Variants in PIK3CD observed in about 807,000 individuals in gnomAD.
The protein encoded by PIK3CD is phosphatidylinositol-4,5-bisphosphate 3-kinase catalytic subunit delta.
A neutral mutation model predicts 122.9 loss-of-function variants in PIK3CD; 20 were observed. The observed-to-expected ratio is 0.16, with a 90% CI of 0.11 to 0.24. The LOEUF is 0.24. Ranked by LOEUF, PIK3CD falls within the 10% of genes least tolerant of loss-of-function variation. PIK3CD has a pLI of 1.00. For missense variants in PIK3CD, 787 were observed against 1,406.3 expected (o/e 0.56, Z 7.04); for synonymous variants, 596 against 593.4 (o/e 1.00, Z -0.06).
rs1373757791 is a variant in PIK3CD at position 9,715,993 on chromosome 1, A to G, written c.515A>G (p.Glu172Gly). Residue 172 changes from glutamate (E) to glycine (G), a missense_variant, in exon 5 of 24, where the codon GAG (glutamate) becomes GGG (glycine). Transcript: ENST00000377346. The surrounding 1 kb of genome is among the most constrained non-coding windows in gnomAD (Gnocchi z 4.1). ...CAGTACAGTTTCCCCCTGCAGCTGG[A>G]GCCCTCGGCTCAAACCTGGGGGCCT... ...WLQYSFPLQL[E>G]PSAQTWGPGT... The G allele has an allele frequency of 3.1e-6, 5 of 1,612,422 alleles. No homozygotes were observed. The highest frequency in any genetic ancestry group is 1.7e-5 in the Admixed American group (1 of 59,974).
chr1:9,663,585 T>A (rs956596853), intron 1 of PIK3CD, among the ~76,000 whole-genome samples: 8 of 141,088 alleles, frequency 5.7e-5, no homozygotes, highest in African/African-American at 1.4e-4. Context: ...TTTATTTTTT[T>A]AATATTTTTT....
Position 9,678,502 on chromosome 1 carries a change from C to T in PIK3CD, c.-137-12965C>T, listed in dbSNP as rs780887677. ...CCATCTTCCACCTACCCCAGAACCA[C>T]GTCACCCAGTGGTTCCTAACCTGTC... On this transcript the variant is annotated intron_variant, in intron 1 of 23. Transcript: ENST00000377346. 3.0e-4 allele frequency among the ~76,000 whole-genome samples: 46 copies of T among 152,106 alleles called. 1 individual carries two copies. Among genetic ancestry groups the T allele is most frequent in the Non-Finnish European group, 5.4e-4 (37 of 68,012 alleles).
intron 1 of PIK3CD, among the ~76,000 whole-genome samples, chr1:9,658,383 C>G: frequency 9.4e-6 from 1 of 106,664 alleles, no homozygotes; most frequent in South Asian, 4.0e-4. Flanking sequence ...GAGACCCTGT[C>G]TCAAAAAAAA....
intron 1 of PIK3CD, among the ~76,000 whole-genome samples, chr1:9,674,848 A>G (rs1455702880): frequency 6.6e-6 from 1 of 151,626 alleles, no homozygotes; most frequent in African/African-American, 2.4e-5. Flanking sequence ...CCTGGGCAAC[A>G]TGGCAAAACC....
chr1:9,721,940 A>G (rs1182099163), intron 16 of PIK3CD, 35 bp from the exon 17 acceptor site: 1 of 1,612,880 alleles, frequency 6.2e-7, no homozygotes, highest in African/African-American at 1.3e-5. Context: ...CGAGGCTGGG[A>G]CCTGCCCACC....
chr1:9,638,300 C>T, the PIK3CD span, among the ~76,000 whole-genome samples: 1 of 152,020 alleles, frequency 6.6e-6, no homozygotes, highest in Admixed American at 6.6e-5. Flanking sequence ...ACCTGTTCTG[C>T]TGAGGGCAGT....
At chr1:9,707,531 A>C (rs1164707502) in intron 2 of PIK3CD, among the ~76,000 whole-genome samples, 2 of 151,720 alleles carry the variant, frequency 1.3e-5, no homozygotes, top group Non-Finnish European at 2.9e-5. Context: ...CTCCACCCTC[A>C]GGCCCCCGTG....
the PIK3CD span, among the ~76,000 whole-genome samples, chr1:9,635,458 G>A: frequency 2.6e-5 from 4 of 152,028 alleles, no homozygotes; most frequent in African/African-American, 4.8e-5. Flanking sequence ...CCTGCAGCTC[G>A]CTGGCTCCAT....
At chr1:9,693,525 G>T (rs192380569) in intron 2 of PIK3CD, among the ~76,000 whole-genome samples, 1 of 151,960 alleles carries the variant, frequency 6.6e-6, no homozygotes, top group Admixed American at 6.6e-5. Flanking sequence ...CAGCCTCCAC[G>T]CCCTGACCTG....
chr1:9,721,905 C>A (rs774676556), intron 16 of PIK3CD, 45 bp downstream of exon 16: 1 of 1,611,426 alleles, frequency 6.2e-7, no homozygotes, highest in Non-Finnish European at 8.5e-7. Flanking sequence ...CGGCCCTGAG[C>A]GTCTGGGAAT....
At chr1:9,690,059 G>A (rs1415295538) in intron 1 of PIK3CD, among the ~76,000 whole-genome samples, 1 of 152,160 alleles carries the variant, frequency 6.6e-6, no homozygotes, top group Non-Finnish European at 1.5e-5. Flanking sequence ...ACGAGGACGC[G>A]CCTGTTCGGG....
rs145282914 is a variant in PIK3CD, at chr1:9,714,749, A to C, written c.142-792A>C. ...CCGTCTTCTTTGTGACTCAGTGGTG[A>C]ACACCTTTCAACTGCTTGTTGCTGT... is the stretch of plus-strand genomic sequence containing the variant. On this transcript the variant is annotated intron_variant, in intron 3 of 23. Transcript: ENST00000377346. Among the ~76,000 whole-genome samples, 21 of 152,232 alleles carry C rather than the reference A, an allele frequency of 1.4e-4. No homozygotes were observed. In the East Asian group the frequency reaches 4.1e-3, roughly 29 times the overall value.
At chr1:9,634,442 G>A in the PIK3CD span, among the ~76,000 whole-genome samples, 6 of 151,388 alleles carry the variant, frequency 4.0e-5, no homozygotes, top group Admixed American at 6.6e-5. Flanking sequence ...GATTACAGGC[G>A]TGAGCTTCCA....
chr1:9,701,668 CAAAAAAAA>C (rs1163030937), intron 2 of PIK3CD, among the ~76,000 whole-genome samples: 4 of 78,990 alleles, frequency 5.1e-5, no homozygotes, highest in Non-Finnish European at 7.9e-5. Flanking sequence ...GACTCTGTCT[CAAAAAAAA>C]AAAAAAAAAA....
At position 9,720,840 on chromosome 1, in the gene PIK3CD, G is replaced by A. The variant is rs1648511297; in HGVS notation, c.1620G>A (p.Glu540=). ...LVWKLRHEVQ[E]HFPEALARLL... Reference sequence around the variant, plus strand: ...GGAAGCTGCGGCATGAAGTCCAGGAGCACTTCCCGGAGGCGCTAGCCCGGC... The same window carrying A: ...GGAAGCTGCGGCATGAAGTCCAGGAACACTTCCCGGAGGCGCTAGCCCGGC... Residue 540 remains glutamate, a synonymous_variant, in exon 13 of 24, where the codon GAG becomes GAA. Coordinates refer to ENST00000377346, the MANE Select transcript of PIK3CD (RefSeq NM_005026.5). This position sits in a 1 kb window ranked among gnomAD's most constrained non-coding sequence, Gnocchi z 9.0. The A allele has an allele frequency of 6.2e-7, 1 of 1,612,538 alleles. No homozygotes were observed. The highest frequency in any genetic ancestry group is 8.5e-7 in the Non-Finnish European group (1 of 1,179,528).
chr1:9,640,918 G>A, the PIK3CD span, among the ~76,000 whole-genome samples: 2 of 152,182 alleles, frequency 1.3e-5, no homozygotes, highest in East Asian at 3.9e-4. Context: ...CCCAAAGCCT[G>A]CGATGCTCTG....
intron 1 of PIK3CD, among the ~76,000 whole-genome samples, chr1:9,660,378 A>G (rs1198290670): frequency 6.6e-6 from 1 of 152,040 alleles, no homozygotes. Flanking sequence ...TCATATGGTA[A>G]TCCAATTTTT....
chr1:9,727,228 A>G lies in PIK3CD; in HGVS notation c.*182A>G, dbSNP rs1305663414. The G allele has an allele frequency of 2.5e-5, 18 of 730,868 alleles. No homozygotes were observed. The highest frequency in any genetic ancestry group is 3.9e-5 in the Non-Finnish European group (17 of 439,026). 45.3% of individuals were successfully genotyped at this position (730,868 alleles called of 1,614,324 possible). On this transcript the variant is annotated 3_prime_UTR_variant, in exon 24 of 24. Transcript: ENST00000377346. ...AAATAGTTTAAGGAGCTAAACAGCC[A>G]TAAACGGAAACGCCTCCTTCATGCA...
chr1:9,712,534 G>A (rs1647098312), intron 3 of PIK3CD, among the ~76,000 whole-genome samples: 1 of 152,066 alleles, frequency 6.6e-6, no homozygotes, highest in Non-Finnish European at 1.5e-5. Context: ...GCCCACCTTG[G>A]CCTCCCTTAG....
Sources: allele counts gnomAD v4.1 joint callset (sites outside exome capture counted in the v4.1 genomes callset), GRCh38; gene constraint gnomAD v4.1.1; non-coding constraint Gnocchi (gnomAD v3.1); transcripts MANE v1.5; gene names NCBI Gene and HGNC (gene_info 2026-07-23, HGNC 2026-07-21).